AGTPBP1: variants seen among roughly 807,000 people sequenced by gnomAD.
AGTPBP1 encodes ATP/GTP binding carboxypeptidase 1, also known as cytosolic carboxypeptidase 1.
AGTPBP1 carries 70 observed loss-of-function variants against 143.9 expected under a neutral mutation model. The ratio of observed to expected loss-of-function variants is 0.49; its 90% CI spans 0.40 to 0.59. The LOEUF (loss-of-function observed/expected upper bound fraction) is 0.59, where lower values mean the gene tolerates loss of function less well. Ranked by LOEUF, AGTPBP1 falls within the 20% of genes least tolerant of loss-of-function variation. The pLI is 0.00. For synonymous variants in AGTPBP1, 463 were observed against 500.2 expected, an observed-to-expected ratio of 0.93 and a Z score of 0.99; for missense variants, 1,229 against 1,464.5, an observed-to-expected ratio of 0.84 and a Z score of 2.62.
chr9:85,647,768 A>C (rs4877945), intron 11 of AGTPBP1, among the ~76,000 whole-genome samples: 37,217 of 151,966 alleles, frequency 0.24, 5,174 homozygotes, highest in East Asian at 0.54. Context: ...AGAGGAAATA[A>C]TACTACTAAA....
At position 85,632,800 on chromosome 9, in the gene AGTPBP1, T is replaced by A. The variant is rs1831765473; in HGVS notation, c.1877A>T (p.Asp626Val). Residue 626 changes from aspartate (D) to valine (V), a missense_variant, in exon 14 of 26, where the codon GAC (aspartate) becomes GTC (valine). Asp to Val is a radical substitution (Grantham distance 152, BLOSUM62 -3). Transcript: ENST00000357081. The stretch of plus-strand genomic sequence containing the variant: ...CACAATCTCAATATAGAGGTCTGGG[T>A]CATGGAGTGTTGGTCCATCAGGTAC... Reference protein sequence around the residue: ...VEVPDGPTLHDPDLYIEIVKN... With the variant: ...VEVPDGPTLHVPDLYIEIVKN... 3 of 1,614,040 alleles carry A rather than the reference T, an allele frequency of 1.9e-6. No homozygotes were observed. Among genetic ancestry groups the A allele is most frequent in the Admixed American group, 3.3e-5 (2 of 59,988 alleles).
upstream of AGTPBP1, among the ~76,000 whole-genome samples, chr9:85,746,298 C>A (rs1824579367): frequency 6.6e-6 from 1 of 152,134 alleles, no homozygotes; most frequent in South Asian, 2.1e-4. Flanking sequence ...TTCTAACTAT[C>A]AACTTTCCAC....
Position 85,665,854 on chromosome 9 carries a change from A to G in AGTPBP1, c.662+3631T>C, listed in dbSNP as rs577973570. Among the ~76,000 whole-genome samples the G allele has an allele frequency of 5.2e-4, 79 of 152,152 alleles. 1 individual carries two copies. Among genetic ancestry groups the G allele is most frequent in the Non-Finnish European group, 5.1e-4 (35 of 68,014 alleles). Reference sequence around the variant, plus strand: ...CAAGTTTGGTGCAAAGTCATTTGTAAATTTTTACCAAATGTTATTTAAGAG... The same window carrying G: ...CAAGTTTGGTGCAAAGTCATTTGTAGATTTTTACCAAATGTTATTTAAGAG... On this transcript the variant is annotated intron_variant, in intron 8 of 25. Coordinates refer to ENST00000357081, the MANE Select transcript of AGTPBP1 (RefSeq NM_001330701.2).
intron 13 of AGTPBP1, among the ~76,000 whole-genome samples, chr9:85,637,040 G>GTTTT (rs36101581): frequency 4.0e-5 from 5 of 126,470 alleles, no homozygotes; most frequent in Non-Finnish European, 3.4e-5. Flanking sequence ...TCCCCAAAAA[G>GTTTT]TTTTTTTTTT....
intron 25 of AGTPBP1, among the ~76,000 whole-genome samples, chr9:85,569,200 T>C (rs1191341485): frequency 6.6e-6 from 1 of 152,192 alleles, no homozygotes; most frequent in African/African-American, 2.4e-5. Flanking sequence ...AAGTAACTTT[T>C]ATTAGTGATC....
At chr9:85,728,596 G>A (rs1319619979) in intron 1 of AGTPBP1, among the ~76,000 whole-genome samples, 1 of 152,114 alleles carries the variant, frequency 6.6e-6, no homozygotes, top group East Asian at 1.9e-4. Context: ...AACTGTGAAT[G>A]CTTATTTCAA....
chr9:85,679,971 G>A, intron 4 of AGTPBP1, among the ~76,000 whole-genome samples: 1 of 151,932 alleles, frequency 6.6e-6, no homozygotes, highest in Non-Finnish European at 1.5e-5. Flanking sequence ...ATTTATTTGG[G>A]TGTGGAATGC....
chr9:85,649,381 C>T (rs1450006546), intron 11 of AGTPBP1, among the ~76,000 whole-genome samples: 1 of 152,096 alleles, frequency 6.6e-6, no homozygotes, highest in Non-Finnish European at 1.5e-5. Flanking sequence ...TTTGTTGATA[C>T]ACATATACAC....
intron 2 of AGTPBP1, among the ~76,000 whole-genome samples, chr9:85,711,363 TTGATATTTAAGAACTTTAACAGAGA>T (rs1837352367): frequency 1.3e-5 from 2 of 152,176 alleles, no homozygotes; most frequent in African/African-American, 4.8e-5. Flanking sequence ...AGACAATTTC[TTGATATTTAAGAACTTTAACAGAGA>T]TGATACAGTG....
intron 25 of AGTPBP1, chr9:85,554,116 C>G (rs1826191245): frequency 6.6e-6 from 1 of 152,198 alleles, no homozygotes; most frequent in South Asian, 2.1e-4. Context: ...TGAAAGGATA[C>G]AAAGCAAAAT....
In AGTPBP1 at chr9:85,713,425, G is replaced by A. The variant is rs182962280; in HGVS notation, c.-33-859C>T. On this transcript the variant is annotated intron_variant, in intron 1 of 25. Coordinates refer to ENST00000357081, the MANE Select transcript of AGTPBP1 (RefSeq NM_001330701.2). Reference sequence around the variant, plus strand: ...AGGTGCCTGTAATCCCAGCTACTCAGGAGGCTGAGACAGGAGAATCACTTG... The same window carrying A: ...AGGTGCCTGTAATCCCAGCTACTCAAGAGGCTGAGACAGGAGAATCACTTG... 2.6e-3 allele frequency among the ~76,000 whole-genome samples: 399 copies of A among 152,280 alleles called. 3 individuals carry two copies. Among genetic ancestry groups the A allele is most frequent in the African/African-American group, 9.3e-3 (386 of 41,558 alleles).
chr9:85,572,050 A>C (rs1827533584), intron 25 of AGTPBP1, among the ~76,000 whole-genome samples: 4 of 65,672 alleles, frequency 6.1e-5, no homozygotes, highest in East Asian at 3.8e-4. Context: ...TTTTTGAGGC[A>C]CAGTTTCATT....
the AGTPBP1 span, among the ~76,000 whole-genome samples, chr9:85,780,998 T>C: frequency 6.6e-6 from 1 of 152,068 alleles, no homozygotes; most frequent in African/African-American, 2.4e-5. Context: ...GCACCTGTAG[T>C]CCCAGCTACT....
At chr9:85,659,505 CT>C (rs200332853) in intron 9 of AGTPBP1, among the ~76,000 whole-genome samples, 2,548 of 151,918 alleles carry the variant, frequency 0.017, 25 homozygotes, top group Middle Eastern at 0.055. Flanking sequence ...TTGTCAGTTA[CT>C]TTTTTTTATT....
At chr9:85,663,136 A>C (rs1833939420) in intron 8 of AGTPBP1, among the ~76,000 whole-genome samples, 1 of 152,188 alleles carries the variant, frequency 6.6e-6, no homozygotes, top group Admixed American at 6.5e-5. Context: ...GTTAGAGCTC[A>C]CAAGGCAGAA....
At chr9:85,725,474 G>C (rs563478660) in intron 1 of AGTPBP1, among the ~76,000 whole-genome samples, 9 of 152,106 alleles carry the variant, frequency 5.9e-5, no homozygotes, top group Non-Finnish European at 1.2e-4. Context: ...GCTACGCATA[G>C]GGGGAGGATG....
intron 2 of AGTPBP1, among the ~76,000 whole-genome samples, chr9:85,708,881 A>G (rs1487174088): frequency 1.3e-5 from 2 of 152,100 alleles, no homozygotes; most frequent in African/African-American, 4.8e-5. Flanking sequence ...ATTCCAAGAC[A>G]AGGTGCCTTA....
At chr9:85,599,551 T>C (rs1179807903) in intron 17 of AGTPBP1, among the ~76,000 whole-genome samples, 2 of 152,340 alleles carry the variant, frequency 1.3e-5, no homozygotes, top group East Asian at 1.9e-4. Flanking sequence ...GCCATCCCAC[T>C]GACACAAGTT....
chr9:85,565,218 G>C (rs1827007238), intron 25 of AGTPBP1, among the ~76,000 whole-genome samples: 1 of 152,070 alleles, frequency 6.6e-6, no homozygotes, highest in Non-Finnish European at 1.5e-5. Context: ...TCTTATTGCT[G>C]CAAGTATTCA....
Sources: allele counts gnomAD v4.1 joint callset (sites outside exome capture counted in the v4.1 genomes callset), GRCh38; gene constraint gnomAD v4.1.1; transcripts MANE v1.5; gene names NCBI Gene and HGNC (gene_info 2026-07-23, HGNC 2026-07-21).